The following FHIT variants were observed in gnomAD, a reference collection of about 807,000 sequenced individuals.
FHIT encodes the protein bis(5'-adenosyl)-triphosphatase.
A neutral mutation model predicts 17.9 loss-of-function variants in FHIT; 19 were observed. The observed-to-expected ratio is 1.06, with a 90% CI of 0.74 to 1.56. FHIT has a LOEUF of 1.56. Among genes scored for constraint, FHIT ranks in the 40% most tolerant of loss-of-function variants. FHIT has a pLI of 0.00. For synonymous variants in FHIT, 81 were observed against 69.7 expected, an observed-to-expected ratio of 1.16 and a Z score of -0.81; for missense variants, 248 against 189.2, an observed-to-expected ratio of 1.31 and a Z score of -1.82.
chr3:60,011,597 G>A (rs1238469913), intron 6 of FHIT, among the ~76,000 whole-genome samples, 197 bp from the exon 7 acceptor site: 5 of 152,108 alleles, frequency 3.3e-5, no homozygotes, highest in African/African-American at 1.2e-4. Context: ...GCGAAGTTAT[G>A]TATAAAAATG....
intron 3 of FHIT, among the ~76,000 whole-genome samples, chr3:60,964,920 C>T (rs1415635280): frequency 1.1e-4 from 17 of 152,086 alleles, no homozygotes. Context: ...TGGAGTTGCT[C>T]TTCTTGAGGA....
intron 7 of FHIT, among the ~76,000 whole-genome samples, chr3:60,008,858 G>T (rs376962053): frequency 6.6e-5 from 10 of 152,168 alleles, no homozygotes; most frequent in African/African-American, 2.2e-4. Context: ...GGCTTCCAGG[G>T]GTCATAATTA....
chr3:60,103,957 C>T (rs1226677754), intron 5 of FHIT, among the ~76,000 whole-genome samples: 9 of 152,170 alleles, frequency 5.9e-5, no homozygotes, highest in Admixed American at 5.2e-4. Flanking sequence ...TCCTTATAGA[C>T]ACTTCTGAAG....
intron 3 of FHIT, among the ~76,000 whole-genome samples, chr3:60,908,311 C>CA (rs1553765036): frequency 6.6e-6 from 1 of 152,004 alleles, no homozygotes; most frequent in Non-Finnish European, 1.5e-5. Flanking sequence ...GTCTGAAGAT[C>CA]AACATTTAAA....
intron 1 of FHIT, among the ~76,000 whole-genome samples, chr3:61,204,477 T>C (rs1158264024): frequency 6.6e-6 from 1 of 151,902 alleles, no homozygotes; most frequent in Non-Finnish European, 1.5e-5. Flanking sequence ...GGAAACAACA[T>C]AGAGTAAACG....
intron 7 of FHIT, among the ~76,000 whole-genome samples, chr3:59,992,650 A>G (rs755756489): frequency 5.3e-5 from 8 of 152,092 alleles, no homozygotes; most frequent in Non-Finnish European, 8.8e-5. Flanking sequence ...AGTTTTTCCC[A>G]TAAGAGATCC....
At chr3:60,910,053 C>A (rs1283632690) in intron 3 of FHIT, among the ~76,000 whole-genome samples, 1 of 152,168 alleles carries the variant, frequency 6.6e-6, no homozygotes, top group Non-Finnish European at 1.5e-5. Flanking sequence ...TCTTCTGATT[C>A]CTTTAATGCA....
chr3:59,929,689 T>C (rs74368812), intron 7 of FHIT, among the ~76,000 whole-genome samples: 9,882 of 152,214 alleles, frequency 0.065, 487 homozygotes, highest in South Asian at 0.09. Context: ...AAATGTAATG[T>C]AACAATAAGA....
At chr3:61,076,873 T>G (rs527581917) in intron 2 of FHIT, among the ~76,000 whole-genome samples, 1 of 152,200 alleles carries the variant, frequency 6.6e-6, no homozygotes, top group Non-Finnish European at 1.5e-5. Context: ...ATATTCATCC[T>G]GTTTCTTTTG....
chr3:60,371,370 T>TC (rs1370606499), intron 5 of FHIT, among the ~76,000 whole-genome samples: 1 of 152,056 alleles, frequency 6.6e-6, no homozygotes. Flanking sequence ...TCTAGCTTTT[T>TC]TTTTTAAGAG....
chr3:60,547,020 C>A (rs2036389546), intron 4 of FHIT, among the ~76,000 whole-genome samples: 2 of 152,064 alleles, frequency 1.3e-5, no homozygotes, highest in Non-Finnish European at 2.9e-5. Flanking sequence ...GGGACAAAAG[C>A]ATTAAAAAGA....
Position 59,757,215 on chromosome 3 carries a change from C to T in FHIT, c.349-4894G>A, listed in dbSNP as rs76943643. 6.2e-3 allele frequency among the ~76,000 whole-genome samples: 939 copies of T among 152,292 alleles called. 2 individuals carry two copies. The highest frequency in any genetic ancestry group is 9.6e-3 in the Non-Finnish European group (653 of 68,016). ...AGGAAAGTGCACGCCAAAGTGACAACGTTTGCAAAAACTTGAACCAAAGTC... is the reference window on the plus strand; with the variant it reads ...AGGAAAGTGCACGCCAAAGTGACAATGTTTGCAAAAACTTGAACCAAAGTC... On this transcript the variant is annotated intron_variant, in intron 8 of 9. Coordinates refer to ENST00000492590, the MANE Select transcript of FHIT (RefSeq NM_002012.4).
At chr3:59,893,157 G>C (rs1559704923) in intron 8 of FHIT, among the ~76,000 whole-genome samples, 1 of 152,144 alleles carries the variant, frequency 6.6e-6, no homozygotes, top group Non-Finnish European at 1.5e-5. Flanking sequence ...TGGTCCACTT[G>C]TTTTATTTGA....
chr3:60,266,250 A>G (rs1248202209), intron 5 of FHIT, among the ~76,000 whole-genome samples: 5 of 152,124 alleles, frequency 3.3e-5, no homozygotes, highest in East Asian at 3.9e-4. Flanking sequence ...ACATTACAGC[A>G]TGATGAACCA....
chr3:60,587,555 C>G (rs2037946632), intron 4 of FHIT, among the ~76,000 whole-genome samples: 1 of 151,902 alleles, frequency 6.6e-6, no homozygotes, highest in African/African-American at 2.4e-5. Context: ...AAGTAATCAC[C>G]TGATATTCAC....
chr3:60,225,135 T>C (rs1704135456), intron 5 of FHIT, among the ~76,000 whole-genome samples: 1 of 152,206 alleles, frequency 6.6e-6, no homozygotes, highest in Non-Finnish European at 1.5e-5. Context: ...TGTTCGTCTC[T>C]CTTACAGAAA....
Position 61,165,379 on chromosome 3 carries a change from CTGA to C in FHIT, c.-164+35235_-164+35237del, listed in dbSNP as rs556944178. Among the ~76,000 whole-genome samples the C allele has an allele frequency of 8.1e-3, 1,230 of 152,244 alleles. 15 individuals carry two copies. The highest frequency in any genetic ancestry group is 0.027 in the African/African-American group (1,130 of 41,538). ...CACTGTGGTTTTGATTTGCATTTCTCTGATGATTAGTGATGATGAGCATTTTCT... is the reference window on the plus strand; with the variant it reads ...CACTGTGGTTTTGATTTGCATTTCTCTGATTAGTGATGATGAGCATTTTCT... On this transcript the variant is annotated intron_variant, in intron 2 of 9. Transcript: ENST00000492590.
chr3:61,045,853 C>T (rs1575905999), intron 2 of FHIT, among the ~76,000 whole-genome samples: 1 of 152,272 alleles, frequency 6.6e-6, no homozygotes, highest in African/African-American at 2.4e-5. Flanking sequence ...AACCACTCAA[C>T]TACATGGAAA....
At chr3:60,280,326 C>A (rs191247094) in intron 5 of FHIT, among the ~76,000 whole-genome samples, 1 of 152,114 alleles carries the variant, frequency 6.6e-6, no homozygotes, top group Non-Finnish European at 1.5e-5. Flanking sequence ...AGTAGGCTGA[C>A]TAATGATCTC....
Sources: gnomAD v4.1 joint callset for allele counts (sites outside exome capture counted in the v4.1 genomes callset) on GRCh38, gnomAD v4.1.1 for gene constraint, MANE v1.5 for transcripts, NCBI Gene and HGNC (gene_info 2026-07-23, HGNC 2026-07-21) for gene names.